The following TMPRSS11A variants were observed in gnomAD, a reference collection of about 807,000 sequenced individuals.
TMPRSS11A encodes transmembrane serine protease 11A, also known as transmembrane protease serine 11A.
TMPRSS11A carries 53 observed loss-of-function variants against 58.9 expected under a neutral mutation model. The ratio of observed to expected loss-of-function variants is 0.90; its 90% CI spans 0.72 to 1.13. The LOEUF (loss-of-function observed/expected upper bound fraction) is 1.13, where lower values mean the gene tolerates loss of function less well. Among genes scored for constraint, TMPRSS11A ranks in the 50% most tolerant of loss-of-function variants. The probability of loss-of-function intolerance (pLI) is 0.00; values close to 1 mark genes in which losing one functional copy is unlikely to be tolerated. For missense variants in TMPRSS11A, 493 were observed against 499.3 expected (o/e 0.99, Z 0.12); for synonymous variants, 167 against 169.8 (o/e 0.98, Z 0.13).
At chr4:67,920,690 G>T (rs1375287796) in intron 7 of TMPRSS11A, among the ~76,000 whole-genome samples, 1 of 151,700 alleles carries the variant, frequency 6.6e-6, no homozygotes, top group Non-Finnish European at 1.5e-5. Flanking sequence ...GTAAACTTGT[G>T]TCATGGGGTT....
intron 3 of TMPRSS11A, among the ~76,000 whole-genome samples, chr4:67,943,297 T>A (rs1299085038): frequency 1.3e-5 from 2 of 152,210 alleles, no homozygotes; most frequent in Non-Finnish European, 2.9e-5. Flanking sequence ...AAGACAGAAT[T>A]GCTTAGTTAA....
chr4:67,960,442 T>C (rs760511888), intron 1 of TMPRSS11A, among the ~76,000 whole-genome samples: 3 of 152,184 alleles, frequency 2.0e-5, no homozygotes, highest in Non-Finnish European at 2.9e-5. Context: ...TAGCTTGTGA[T>C]ATTGGGCTAC....
chr4:67,923,172 C>G (rs544706737), intron 6 of TMPRSS11A, among the ~76,000 whole-genome samples: 2 of 152,276 alleles, frequency 1.3e-5, no homozygotes, highest in African/African-American at 4.8e-5. Context: ...TCTGTCATAG[C>G]ATTAATCACA....
chr4:67,916,702 C>T (rs1047188157), intron 8 of TMPRSS11A, among the ~76,000 whole-genome samples: 3 of 152,084 alleles, frequency 2.0e-5, no homozygotes, highest in Non-Finnish European at 4.4e-5. Flanking sequence ...TGGTGGGCGC[C>T]TGCAGTCCCA....
intron 5 of TMPRSS11A, among the ~76,000 whole-genome samples, chr4:67,926,228 G>A (rs1461923626): frequency 2.0e-5 from 3 of 151,172 alleles, no homozygotes; most frequent in African/African-American, 7.3e-5. Flanking sequence ...ACACCACACA[G>A]TTTTTTTTTG....
chr4:67,955,958 C>G (rs1015966445), intron 1 of TMPRSS11A, among the ~76,000 whole-genome samples: 1 of 152,150 alleles, frequency 6.6e-6, no homozygotes, highest in African/African-American at 2.4e-5. Context: ...CTATAGGCAT[C>G]TTGGTATTGC....
rs931413735 is a variant in TMPRSS11A at position 67,926,175 on chromosome 4, G to T, written c.482-2009C>A. Among the ~76,000 whole-genome samples, 4 of 152,158 alleles carry T rather than the reference G, an allele frequency of 2.6e-5. No homozygotes were observed. The South Asian group carries it at 8.3e-4, about 32-fold the overall frequency. On this transcript the variant is annotated intron_variant, in intron 5 of 9. Coordinates refer to ENST00000508048, the MANE Select transcript of TMPRSS11A (RefSeq NM_001114387.2). ...TTGGTGTTTGCAATGCAAAGAAGTT[G>T]ATTTTAGCTTTGCTTTGTCACACTG... is the stretch of plus-strand genomic sequence containing the variant.
intron 1 of TMPRSS11A, among the ~76,000 whole-genome samples, chr4:67,955,177 C>T (rs73823388): frequency 0.013 from 2,005 of 152,184 alleles, 52 homozygotes; most frequent in African/African-American, 0.046. Flanking sequence ...TTAACCAACA[C>T]AAAGTATACT....
intron 4 of TMPRSS11A, among the ~76,000 whole-genome samples, chr4:67,930,683 A>C (rs1720590100): frequency 6.6e-6 from 1 of 151,974 alleles, no homozygotes; most frequent in Non-Finnish European, 1.5e-5. Flanking sequence ...AAACAGGTTC[A>C]AGTTCTGTTA....
chr4:67,961,148 AG>A (rs1317497531), intron 1 of TMPRSS11A, among the ~76,000 whole-genome samples: 1 of 152,234 alleles, frequency 6.6e-6, no homozygotes, highest in Admixed American at 6.5e-5. Flanking sequence ...GGTTCATGAT[AG>A]CAGAAAGAGC....
chr4:67,957,627 A>G (rs1242013349), intron 1 of TMPRSS11A, among the ~76,000 whole-genome samples: 1 of 152,220 alleles, frequency 6.6e-6, no homozygotes, highest in African/African-American at 2.4e-5. Flanking sequence ...AAGACAGAGC[A>G]TAAAAGTTCA....
At chr4:67,946,593 T>C (rs1259003012) in intron 1 of TMPRSS11A, 22 bp from the exon 2 acceptor site, 2 of 1,602,064 alleles carry the variant, frequency 1.2e-6, no homozygotes, top group Non-Finnish European at 1.7e-6. Flanking sequence ...AAGGGCCCAC[T>C]GGTTACTCTC....
intron 3 of TMPRSS11A, among the ~76,000 whole-genome samples, chr4:67,938,796 G>A (rs113385549): frequency 1.3e-5 from 2 of 151,208 alleles, no homozygotes; most frequent in African/African-American, 4.8e-5. Context: ...ATGCCATTCT[G>A]TTTTGATTAC....
chr4:67,950,230 A>G (rs965133136), intron 1 of TMPRSS11A, among the ~76,000 whole-genome samples: 2 of 152,098 alleles, frequency 1.3e-5, no homozygotes, highest in Non-Finnish European at 2.9e-5. Context: ...TCCTCTTCCA[A>G]GCTCATTTAG....
chr4:67,955,894 A>G (rs1444460240), intron 1 of TMPRSS11A, among the ~76,000 whole-genome samples: 1 of 152,174 alleles, frequency 6.6e-6, no homozygotes, highest in Non-Finnish European at 1.5e-5. Flanking sequence ...GCAAATAACA[A>G]ATTTCCATTA....
chr4:67,922,019 TAATAA>T (rs1360256908), intron 7 of TMPRSS11A, among the ~76,000 whole-genome samples: 2 of 152,230 alleles, frequency 1.3e-5, no homozygotes, highest in African/African-American at 4.8e-5. Context: ...ATCATATATT[TAATAA>T]AATGTATGCA....
intron 1 of TMPRSS11A, among the ~76,000 whole-genome samples, chr4:67,955,744 G>C (rs1721275067): frequency 6.6e-6 from 1 of 152,134 alleles, no homozygotes; most frequent in Non-Finnish European, 1.5e-5. Flanking sequence ...GGCTTAGGGA[G>C]GAAGGGATGA....
chr4:67,946,809 G>A (rs1022626144), intron 1 of TMPRSS11A, among the ~76,000 whole-genome samples: 1 of 152,004 alleles, frequency 6.6e-6, no homozygotes, highest in African/African-American at 2.4e-5. Flanking sequence ...CTTTGTGGTG[G>A]TCAGGAATGG....
chr4:67,939,426 C>T (rs1248235081), intron 3 of TMPRSS11A, among the ~76,000 whole-genome samples: 3 of 152,092 alleles, frequency 2.0e-5, no homozygotes, highest in African/African-American at 7.2e-5. Flanking sequence ...TGCTCGATTG[C>T]TCTTTCTAGA....
Sources: gnomAD v4.1 joint callset for allele counts (sites outside exome capture counted in the v4.1 genomes callset) on GRCh38, gnomAD v4.1.1 for gene constraint, MANE v1.5 for transcripts, NCBI Gene and HGNC (gene_info 2026-07-23, HGNC 2026-07-21) for gene names.